The following DNAJC17 variants were observed in gnomAD, a reference collection of about 807,000 sequenced individuals.
The protein encoded by DNAJC17 is dnaJ homolog subfamily C member 17.
DNAJC17 carries 35 observed loss-of-function variants against 48.1 expected under a neutral mutation model. The observed-to-expected ratio is 0.73, with a 90% CI of 0.56 to 0.96. The LOEUF (loss-of-function observed/expected upper bound fraction) is 0.96. Among genes scored for constraint, DNAJC17 ranks in the 50% least tolerant of loss-of-function variants. The pLI is 0.00. For synonymous variants in DNAJC17, 117 were observed against 142.7 expected (o/e 0.82, Z 1.28); for missense variants, 355 against 377.1 (o/e 0.94, Z 0.48).
intron 1 of DNAJC17, among the ~76,000 whole-genome samples, chr15:40,785,807 G>A (rs1356271034): frequency 2.6e-5 from 4 of 152,192 alleles, no homozygotes; most frequent in African/African-American, 9.7e-5. Flanking sequence ...TTATTCAAGG[G>A]GTAGAAGGGA....
At chr15:40,802,510 C>A (rs1302178014) in intron 1 of DNAJC17, among the ~76,000 whole-genome samples, 1 of 152,070 alleles carries the variant, frequency 6.6e-6, no homozygotes, top group Admixed American at 6.6e-5. Context: ...GTGAAACATC[C>A]ACATGGAGGG....
At chr15:40,780,553 C>A (rs1889455885) in intron 1 of DNAJC17, 2 of 359,632 alleles carry the variant, frequency 5.6e-6, no homozygotes, top group Non-Finnish European at 1.1e-5. Context: ...GTGGCTCACG[C>A]CTGTCATCCC....
rs1566817475 is a variant in DNAJC17, at chr15:40,767,891, T to C, written c.*49A>G. ...AAATCTTAAAAAAAAAAAAAATTTA[T>C]TGGTGACGTTGAAGAAAAGGGCTGA... is the stretch of plus-strand genomic sequence containing the variant. On this transcript the variant is annotated 3_prime_UTR_variant, in exon 11 of 11. Coordinates refer to ENST00000220496, the MANE Select transcript of DNAJC17 (RefSeq NM_018163.3). 1.3e-6 allele frequency: 2 copies of C among 1,589,980 alleles called. No homozygotes were observed. The highest frequency in any genetic ancestry group is 1.7e-6 in the Non-Finnish European group (2 of 1,173,596).
intron 10 of DNAJC17, 43 bp from the exon 11 acceptor site, chr15:40,768,105 GGCACAGCCTCACAGAC>G: frequency 6.7e-7 from 1 of 1,503,198 alleles, no homozygotes; most frequent in Non-Finnish European, 8.9e-7. Flanking sequence ...GGGACAGCAG[GGCACAGCCTCACAGAC>G]TCCGAGTACG....
At position 40,774,367 on chromosome 15, in the gene DNAJC17, C is replaced by T. The variant is rs868306657; in HGVS notation, c.670G>A (p.Val224Ile). ...CATGCAGCACTCACCGCTGCCTTGA[C>T]GGTTGCAAACTCCACCACAGCAGTG... ...PGTAVVEFATVKAAELAVQNE... is the reference protein window; with the variant it reads ...PGTAVVEFATIKAAELAVQNE... Residue 224 changes from valine (V) to isoleucine (I), a missense_variant, in exon 9 of 11, where the codon GTC becomes ATC. Around this residue, in one of 3 missense-constraint regions of DNAJC17, gnomAD observed 68 missense variants for 109.5 expected, o/e 0.62. Transcript: ENST00000220496. 2.4e-5 allele frequency: 38 copies of T among 1,613,872 alleles called. No individual in the cohort carries two copies. The highest frequency in any genetic ancestry group is 1.2e-4 in the South Asian group (11 of 91,086).
rs1888928466 is a variant in DNAJC17 at position 40,765,544 on chromosome 15, T to C, written c.*2396A>G. ...CTCAAACTCCTCCCACCTCAAGCGATCCTCCCACCTCAGCCTCAGTAGCTG... is the reference window on the plus strand; with the variant it reads ...CTCAAACTCCTCCCACCTCAAGCGACCCTCCCACCTCAGCCTCAGTAGCTG... On this transcript the variant is annotated 3_prime_UTR_variant, in exon 11 of 11. Transcript: ENST00000220496. The C allele has an allele frequency of 3.9e-6, 1 of 253,384 alleles. No homozygotes were observed. The highest frequency in any genetic ancestry group is 7.5e-6 in the Non-Finnish European group (1 of 134,116). The allele number at this position is 253,384 out of a possible 1,614,324, so 15.7% of individuals were successfully genotyped here.
At chr15:40,774,002 G>A (rs1418015320) in intron 9 of DNAJC17, among the ~76,000 whole-genome samples, 165 bp from the exon 10 acceptor site, 2 of 152,162 alleles carry the variant, frequency 1.3e-5, no homozygotes, top group Admixed American at 1.3e-4. Flanking sequence ...CCTTTCCTGC[G>A]GGAGAGGGGT....
chr15:40,786,633 C>T (rs1456309930), intron 1 of DNAJC17, among the ~76,000 whole-genome samples: 1 of 152,192 alleles, frequency 6.6e-6, no homozygotes, highest in Non-Finnish European at 1.5e-5. Context: ...ATCCCCTGGT[C>T]TCTCTAGCGC....
At chr15:40,806,044 C>T (rs1479183046) in intron 1 of DNAJC17, among the ~76,000 whole-genome samples, 1 of 151,890 alleles carries the variant, frequency 6.6e-6, no homozygotes, top group Non-Finnish European at 1.5e-5. Flanking sequence ...ATGGCCATTT[C>T]TGATTTCAGC....
In DNAJC17 at chr15:40,807,472, A is replaced by G; in HGVS notation, c.-26T>C. 2 of 1,613,956 alleles carry G rather than the reference A, an allele frequency of 1.2e-6. No homozygotes were observed. The highest frequency in any genetic ancestry group is 2.2e-5 in the East Asian group (1 of 44,890). On this transcript the variant is annotated 5_prime_UTR_variant, in exon 1 of 11. Transcript: ENST00000220496. ...GGTTCCGGCCTGACGGATTCGTACT[A>G]CAACTCCCAAGAGTCTAAGCGCGCG... is the stretch of plus-strand genomic sequence containing the variant.
At position 40,770,563 on chromosome 15, in the gene DNAJC17, C is replaced by A. The variant is rs1889101045; in HGVS notation, c.793-2501G>T. The A allele has an allele frequency of 6.4e-7, 1 of 1,550,584 alleles. No individual in the cohort carries two copies. The highest frequency in any genetic ancestry group is 1.4e-5 in the African/African-American group (1 of 73,058). ...TTCAAGCAGCTGAGCCTGGGGCGGC[C>A]ACGGCGGCTCCGGCGACAGAGTAGT... is the stretch of plus-strand genomic sequence containing the variant. On this transcript the variant is annotated intron_variant, in intron 10 of 10. Coordinates refer to ENST00000220496, the MANE Select transcript of DNAJC17 (RefSeq NM_018163.3). This position sits in a 1 kb window ranked among gnomAD's most constrained non-coding sequence, Gnocchi z 5.0.
intron 1 of DNAJC17, among the ~76,000 whole-genome samples, chr15:40,794,205 C>A: frequency 6.6e-6 from 1 of 151,796 alleles, no homozygotes. Flanking sequence ...CAAAAATTAG[C>A]CAGGCATGGT....
intron 1 of DNAJC17, among the ~76,000 whole-genome samples, chr15:40,799,583 G>A (rs536077242): frequency 3.9e-5 from 6 of 152,252 alleles, no homozygotes; most frequent in African/African-American, 7.2e-5. Context: ...AAAGGCCCCC[G>A]GTTGAGAGTA....
In DNAJC17 at chr15:40,794,359, A is replaced by T. The variant is rs115609440; in HGVS notation, c.78+13010T>A. ...AATGAGACTCCATCTCAGAAAAAAA[A>T]ACAAAAACAAGAACAAAACCTGTTA... On this transcript the variant is annotated intron_variant, in intron 1 of 10. Transcript: ENST00000220496. 5.7e-3 allele frequency among the ~76,000 whole-genome samples: 874 copies of T among 152,054 alleles called. 9 individuals carry two copies. Among genetic ancestry groups the T allele is most frequent in the African/African-American group, 0.02 (818 of 41,482 alleles).
chr15:40,798,535 T>A (rs1433275632), intron 1 of DNAJC17, among the ~76,000 whole-genome samples: 1 of 152,096 alleles, frequency 6.6e-6, no homozygotes, highest in East Asian at 1.9e-4. Context: ...TTTATCACAA[T>A]GTTGTAGGAA....
rs1248396022 is a variant in DNAJC17, at chr15:40,765,713, T to C, written c.*2227A>G. On this transcript the variant is annotated 3_prime_UTR_variant, in exon 11 of 11. Coordinates refer to ENST00000220496, the MANE Select transcript of DNAJC17 (RefSeq NM_018163.3). ...GCCCCTAAGAATCCTTGCTACTCTCTGTAGCCTTTACCTGAACCTTACTCA... is the reference window on the plus strand; with the variant it reads ...GCCCCTAAGAATCCTTGCTACTCTCCGTAGCCTTTACCTGAACCTTACTCA... 1.4e-5 allele frequency: 7 copies of C among 497,962 alleles called. No individual in the cohort carries two copies. In the East Asian group the frequency reaches 2.0e-4, roughly 14 times the overall value. 30.8% of individuals were successfully genotyped at this position (497,962 alleles called of 1,614,324 possible).
chr15:40,770,358 A>G lies in DNAJC17; in HGVS notation c.793-2296T>C. On this transcript the variant is annotated intron_variant, in intron 10 of 10. Coordinates refer to ENST00000220496, the MANE Select transcript of DNAJC17 (RefSeq NM_018163.3). This position sits in a 1 kb window ranked among gnomAD's most constrained non-coding sequence, Gnocchi z 5.0. ...CCTCTCACCATCCAAGATGTGGTCA[A>G]AGGTCTGTGCTGAGTGGAAACCCTG... 1 of 818,818 alleles carries G rather than the reference A, an allele frequency of 1.2e-6. No homozygotes were observed. The highest frequency in any genetic ancestry group is 1.9e-6 in the Non-Finnish European group (1 of 535,188). 50.7% of individuals were successfully genotyped at this position (818,818 alleles called of 1,614,324 possible).
Position 40,770,120 on chromosome 15 carries a change from C to T in DNAJC17, c.793-2058G>A, listed in dbSNP as rs1596071766. ...GCTGCCTGCCTGTGGAAGGAGCGCT[C>T]GCCAGCCTCACCCAGCCCGAGAAGG... is the stretch of plus-strand genomic sequence containing the variant. On this transcript the variant is annotated intron_variant, in intron 10 of 10. Coordinates refer to ENST00000220496, the MANE Select transcript of DNAJC17 (RefSeq NM_018163.3). The surrounding 1 kb of genome is among the most constrained non-coding windows in gnomAD (Gnocchi z 5.0). 2 of 216,988 alleles carry T rather than the reference C, an allele frequency of 9.2e-6. No homozygotes were observed. The highest frequency in any genetic ancestry group is 1.8e-5 in the Non-Finnish European group (2 of 108,318). 13.4% of individuals were successfully genotyped at this position (216,988 alleles called of 1,614,324 possible).
rs553014881 is a variant in DNAJC17, at chr15:40,798,643, G to A, written c.78+8726C>T. Among the ~76,000 whole-genome samples, 5 of 152,286 alleles carry A rather than the reference G, an allele frequency of 3.3e-5. No homozygotes were observed. In the South Asian group the frequency reaches 1.0e-3, roughly 32 times the overall value. ...GGCAGTAAGGGCCGCGTGGGCCAGG[G>A]GAAGGACTTCAGATTTCATTCTAAG... is the stretch of plus-strand genomic sequence containing the variant. On this transcript the variant is annotated intron_variant, in intron 1 of 10. Transcript: ENST00000220496.
Sources: allele counts gnomAD v4.1 joint callset (sites outside exome capture counted in the v4.1 genomes callset), GRCh38; gene constraint gnomAD v4.1.1; regional missense constraint gnomAD v4.1.1; non-coding constraint Gnocchi (gnomAD v3.1); transcripts MANE v1.5; gene names NCBI Gene and HGNC (gene_info 2026-07-23, HGNC 2026-07-21).